Variants in PEX14 observed in about 807,000 individuals in gnomAD.
The protein encoded by PEX14 is peroxisomal membrane protein PEX14.
In PEX14, 15 loss-of-function variants were observed where a neutral mutation model predicts 49.5. The ratio of observed to expected loss-of-function variants is 0.30; its 90% confidence interval spans 0.20 to 0.47. The LOEUF (loss-of-function observed/expected upper bound fraction) is 0.47. PEX14 is among the 20% of genes least tolerant of loss of function. The pLI, the probability that PEX14 is intolerant of heterozygous loss-of-function variation, is 1.00. For synonymous variants in PEX14, 210 were observed against 212.7 expected, an observed-to-expected ratio of 0.99 and a Z score of 0.11; for missense variants, 398 against 494.8, an observed-to-expected ratio of 0.80 and a Z score of 1.86.
At chr1:10,524,921 C>T (rs151254600) in intron 2 of PEX14, among the ~76,000 whole-genome samples, 46 of 152,312 alleles carry the variant, frequency 3.0e-4, no homozygotes, top group African/African-American at 1.0e-3. Flanking sequence ...GAACTCTTGG[C>T]CTCCAGCCAT....
Position 10,630,209 on chromosome 1 carries a change from C to T in PEX14, c.*222C>T. The T allele has an allele frequency of 2.9e-6, 2 of 696,408 alleles. No homozygotes were observed. Among genetic ancestry groups the T allele is most frequent in the Non-Finnish European group, 4.7e-6 (2 of 426,930 alleles). The allele number at this position is 696,408 out of a possible 1,614,324, so 43.1% of individuals were successfully genotyped here. ...CCAGCCCCAGCCCCAGCCCCAGCCCCAGGCCCAGCTGCCTTTGGCTTTGAT... is the reference window on the plus strand; with the variant it reads ...CCAGCCCCAGCCCCAGCCCCAGCCCTAGGCCCAGCTGCCTTTGGCTTTGAT... On this transcript the variant is annotated 3_prime_UTR_variant, in exon 9 of 9. Coordinates refer to ENST00000356607, the MANE Select transcript of PEX14 (RefSeq NM_004565.3). This position sits in a 1 kb window ranked among gnomAD's most constrained non-coding sequence, Gnocchi z 4.1.
chr1:10,571,241 A>G (rs1294836471), intron 3 of PEX14, among the ~76,000 whole-genome samples: 1 of 151,648 alleles, frequency 6.6e-6, no homozygotes, highest in African/African-American at 2.4e-5. Context: ...ATTCCATTTT[A>G]TGTTCCAGAT....
rs146976589 is a variant in PEX14, at chr1:10,504,482, C to T, written c.84+9161C>T. On this transcript the variant is annotated intron_variant, in intron 2 of 8. Transcript: ENST00000356607. Reference sequence around the variant, plus strand: ...TGCCACTTTTGTGACCTCTTGCCTTCACAGTGACCCTGGGGGCACAGCTCT... The same window carrying T: ...TGCCACTTTTGTGACCTCTTGCCTTTACAGTGACCCTGGGGGCACAGCTCT... Among the ~76,000 whole-genome samples, 21 of 152,330 alleles carry T rather than the reference C, an allele frequency of 1.4e-4. 1 individual carries two copies. Among genetic ancestry groups the T allele is most frequent in the African/African-American group, 5.1e-4 (21 of 41,566 alleles).
rs1641515333 is a variant in PEX14 at position 10,494,029 on chromosome 1, G to A, written c.37-1245G>A. On this transcript the variant is annotated intron_variant, in intron 1 of 8. Transcript: ENST00000356607. The surrounding 1 kb of genome is among the most constrained non-coding windows in gnomAD (Gnocchi z 4.3). ...GAGCTTTGGGAGGACAGGAGGCAGGGAGGCAGGGGAAGCTTGCTCACATTC... is the reference window on the plus strand; with the variant it reads ...GAGCTTTGGGAGGACAGGAGGCAGGAAGGCAGGGGAAGCTTGCTCACATTC... 6.6e-6 allele frequency among the ~76,000 whole-genome samples: 1 copy of A among 152,188 alleles called. No homozygotes were observed. The highest frequency in any genetic ancestry group is 2.4e-5 in the African/African-American group (1 of 41,444).
In PEX14 at chr1:10,520,390, C is replaced by G. The variant is rs114648365; in HGVS notation, c.85-15823C>G. Reference sequence around the variant, plus strand: ...TCTAGGCTGGTCTCAAACTCTTGGCCTCAAGTGATCCTCCCACCTTGGCCT... The same window carrying G: ...TCTAGGCTGGTCTCAAACTCTTGGCGTCAAGTGATCCTCCCACCTTGGCCT... On this transcript the variant is annotated intron_variant, in intron 2 of 8. Coordinates refer to ENST00000356607, the MANE Select transcript of PEX14 (RefSeq NM_004565.3). Among the ~76,000 whole-genome samples the G allele has an allele frequency of 6.7e-3, 1,016 of 152,062 alleles. 10 individuals are homozygous for G. Among genetic ancestry groups the G allele is most frequent in the Non-Finnish European group, 9.0e-3 (610 of 67,978 alleles).
chr1:10,583,927 C>T (rs147630806), intron 3 of PEX14, among the ~76,000 whole-genome samples: 96 of 151,732 alleles, frequency 6.3e-4, no homozygotes, highest in African/African-American at 2.2e-3. Context: ...TCACAGCATT[C>T]ACAGGGAGTA....
intron 3 of PEX14, among the ~76,000 whole-genome samples, chr1:10,541,257 C>T (rs1639000749): frequency 6.6e-6 from 1 of 152,190 alleles, no homozygotes; most frequent in South Asian, 2.1e-4. Flanking sequence ...TGGACAGCCC[C>T]GTGGTCCTAG....
intron 3 of PEX14, among the ~76,000 whole-genome samples, chr1:10,591,442 G>A (rs112295897): frequency 6.6e-6 from 1 of 152,098 alleles, no homozygotes; most frequent in South Asian, 2.1e-4. Context: ...ATCAAGTCTG[G>A]TTGGTTTGTT....
intron 1 of PEX14, among the ~76,000 whole-genome samples, chr1:10,477,915 G>T (rs530205889): frequency 6.6e-6 from 1 of 152,156 alleles, no homozygotes; most frequent in East Asian, 1.9e-4. Context: ...TTGAGACCGA[G>T]TCTCACTCTG....
chr1:10,528,869 C>T (rs1377351021), intron 2 of PEX14, among the ~76,000 whole-genome samples: 1 of 152,188 alleles, frequency 6.6e-6, no homozygotes, highest in African/African-American at 2.4e-5. Context: ...TTGCAGCCAG[C>T]TCGTTTGCCT....
At chr1:10,530,098 A>G (rs1638602454) in intron 2 of PEX14, among the ~76,000 whole-genome samples, 1 of 152,084 alleles carries the variant, frequency 6.6e-6, no homozygotes, top group South Asian at 2.1e-4. Flanking sequence ...TCCTCCCTTA[A>G]TGTACATGAA....
At chr1:10,577,562 ATTTTTTTTTTTTTTT>A (rs1164876121) in intron 3 of PEX14, among the ~76,000 whole-genome samples, 13 of 6,228 alleles carry the variant, frequency 2.1e-3, no homozygotes, top group Admixed American at 3.7e-3. Context: ...ATATATATAT[ATTTTTTTTTTTTTTT>A]TTTTTTTTTT....
In PEX14 at chr1:10,498,299, A is replaced by T. The variant is rs889270556; in HGVS notation, c.84+2978A>T. 3.4e-5 allele frequency among the ~76,000 whole-genome samples: 5 copies of T among 148,546 alleles called. No individual in the cohort carries two copies. The East Asian group carries it at 9.6e-4, about 29-fold the overall frequency. On this transcript the variant is annotated intron_variant, in intron 2 of 8. Transcript: ENST00000356607. Reference sequence around the variant, plus strand: ...TGTCTCTAAAACAAAACAAAACAAAACAAAACAAAACAAAACAAAAGAATG... The same window carrying T: ...TGTCTCTAAAACAAAACAAAACAAATCAAAACAAAACAAAACAAAAGAATG...
chr1:10,498,707 G>T (rs1419503622), intron 2 of PEX14, among the ~76,000 whole-genome samples: 1 of 152,218 alleles, frequency 6.6e-6, no homozygotes, highest in East Asian at 1.9e-4. Flanking sequence ...ATTAGGGCTA[G>T]AGATTGGTGA....
chr1:10,529,389 G>A lies in PEX14; in HGVS notation c.85-6824G>A, dbSNP rs1466191171. ...GCACCCAGAGTCCTCGGCTGGACAC[G>A]GACACCTCTCCAAAGTCACCCTTAC... On this transcript the variant is annotated intron_variant, in intron 2 of 8. Transcript: ENST00000356607. This position sits in a 1 kb window ranked among gnomAD's most constrained non-coding sequence, Gnocchi z 4.2. Among the ~76,000 whole-genome samples the A allele has an allele frequency of 1.3e-5, 2 of 152,198 alleles. No individual in the cohort carries two copies. The highest frequency in any genetic ancestry group is 4.8e-5 in the African/African-American group (2 of 41,450).
intron 2 of PEX14, among the ~76,000 whole-genome samples, chr1:10,507,982 G>T (rs777445041): frequency 6.6e-6 from 1 of 152,146 alleles, no homozygotes; most frequent in Non-Finnish European, 1.5e-5. Flanking sequence ...CTCAAATAAT[G>T]TTTAGAGGTT....
chr1:10,477,171 C>G (rs1284619984), intron 1 of PEX14, among the ~76,000 whole-genome samples: 1 of 151,350 alleles, frequency 6.6e-6, no homozygotes, highest in African/African-American at 2.4e-5. Context: ...CCTGGGTTCA[C>G]GCCATTCTCC....
chr1:10,479,024 T>C (rs1348013275), intron 1 of PEX14, among the ~76,000 whole-genome samples: 2 of 151,962 alleles, frequency 1.3e-5, no homozygotes, highest in African/African-American at 2.4e-5. Context: ...GTGCTGGGAT[T>C]ACAGGTGTGA....
rs1462140669 is a variant in PEX14 at position 10,581,513 on chromosome 1, C to G, written c.170-17725C>G. 1.3e-5 allele frequency among the ~76,000 whole-genome samples: 2 copies of G among 151,538 alleles called. 1 individual carries two copies. The highest frequency in any genetic ancestry group is 3.9e-4 in the East Asian group (2 of 5,140). The stretch of plus-strand genomic sequence containing the variant: ...TAGAGACAGGATTTCACCATCTTGG[C>G]CAGGCTGATCTTGAACTCCTGACCT... On this transcript the variant is annotated intron_variant, in intron 3 of 8. Transcript: ENST00000356607.
Sources: gnomAD v4.1 joint callset for allele counts (sites outside exome capture counted in the v4.1 genomes callset) on GRCh38, gnomAD v4.1.1 for gene constraint, Gnocchi (gnomAD v3.1) non-coding constraint, MANE v1.5 for transcripts, NCBI Gene and HGNC (gene_info 2026-07-23, HGNC 2026-07-21) for gene names.